TEAD1: variants seen among roughly 807,000 people sequenced by gnomAD.
TEAD1 encodes the protein transcriptional enhancer factor TEF-1.
TEAD1 carries 9 observed loss-of-function variants against 54.9 expected under a neutral mutation model. The observed-to-expected ratio is 0.16, with a 90% confidence interval of 0.10 to 0.29. The LOEUF (loss-of-function observed/expected upper bound fraction) is 0.29. Among genes scored for constraint, TEAD1 ranks in the 10% least tolerant of loss-of-function variants. The probability of loss-of-function intolerance (pLI) is 1.00; values close to 1 mark genes in which losing one functional copy is unlikely to be tolerated. For synonymous variants in TEAD1, 200 were observed against 187.8 expected (o/e 1.07, Z -0.53); for missense variants, 387 against 535.9 (o/e 0.72, Z 2.74).
intron 3 of TEAD1, among the ~76,000 whole-genome samples, chr11:12,840,963 A>G (rs1163229622): frequency 6.6e-6 from 1 of 152,194 alleles, no homozygotes; most frequent in Non-Finnish European, 1.5e-5. Flanking sequence ...TTGAAATGGA[A>G]TACTTTTTCT....
At chr11:12,852,764 T>G (rs1030061119) in intron 3 of TEAD1, among the ~76,000 whole-genome samples, 1 of 152,160 alleles carries the variant, frequency 6.6e-6, no homozygotes, top group Admixed American at 6.5e-5. Context: ...AAATCTCATC[T>G]ACACTTTAAG....
At chr11:12,846,320 T>TA (rs777744354) in intron 3 of TEAD1, among the ~76,000 whole-genome samples, 5 of 151,842 alleles carry the variant, frequency 3.3e-5, no homozygotes, top group Non-Finnish European at 7.4e-5. Flanking sequence ...TTTAAAGGCT[T>TA]AAAATAGATT....
At chr11:12,773,036 C>T (rs1424223385) in intron 3 of TEAD1, among the ~76,000 whole-genome samples, 1 of 152,142 alleles carries the variant, frequency 6.6e-6, no homozygotes, top group African/African-American at 2.4e-5. Flanking sequence ...ACTACATGAA[C>T]CTTTTGGGAT....
At chr11:12,814,775 C>CTGTGTGTGTG (rs1491548230) in intron 3 of TEAD1, among the ~76,000 whole-genome samples, 1 of 142,132 alleles carries the variant, frequency 7.0e-6, no homozygotes, top group African/African-American at 2.7e-5. Context: ...CATCGCAGAG[C>CTGTGTGTGTG]TCTGTGTGTG....
At chr11:12,850,087 A>G (rs770170955) in intron 3 of TEAD1, among the ~76,000 whole-genome samples, 13 of 152,188 alleles carry the variant, frequency 8.5e-5, no homozygotes, top group Non-Finnish European at 1.6e-4. Flanking sequence ...AGGACCCTAT[A>G]TATCAGTTCA....
intron 2 of TEAD1, among the ~76,000 whole-genome samples, chr11:12,680,192 C>T (rs985850999): frequency 7.2e-5 from 11 of 152,324 alleles, no homozygotes; most frequent in African/African-American, 1.9e-4. Context: ...TCGTCTTTGA[C>T]GGCTTTCATC....
At chr11:12,846,294 A>T (rs1365833367) in intron 3 of TEAD1, among the ~76,000 whole-genome samples, 1 of 150,036 alleles carries the variant, frequency 6.7e-6, no homozygotes, top group Non-Finnish European at 1.5e-5. Context: ...CAGCTTAAAC[A>T]CCTGCCCAAA....
intron 10 of TEAD1, among the ~76,000 whole-genome samples, chr11:12,907,945 A>ATAGCAGG (rs1564986372): frequency 6.6e-6 from 1 of 152,224 alleles, no homozygotes; most frequent in East Asian, 1.9e-4. Flanking sequence ...TTGCTGAAGG[A>ATAGCAGG]TAGCAGCCTT....
At chr11:12,911,027 G>A (rs77994042) in intron 10 of TEAD1, among the ~76,000 whole-genome samples, 4 of 152,164 alleles carry the variant, frequency 2.6e-5, no homozygotes, top group Non-Finnish European at 5.9e-5. Context: ...GATTACAGGC[G>A]TGAGCCACCA....
intron 3 of TEAD1, among the ~76,000 whole-genome samples, chr11:12,810,015 C>G (rs1946265422): frequency 1.5e-5 from 2 of 134,960 alleles, no homozygotes; most frequent in African/African-American, 2.8e-5. Flanking sequence ...GAGCCTCCCT[C>G]TGTCGTCCAG....
chr11:12,864,203 G>C (rs567256957), intron 4 of TEAD1, among the ~76,000 whole-genome samples: 1 of 152,160 alleles, frequency 6.6e-6, no homozygotes, highest in East Asian at 1.9e-4. Flanking sequence ...ACAACCAACA[G>C]CTTCAGCTTT....
chr11:12,817,884 A>G (rs1228273516), intron 3 of TEAD1, among the ~76,000 whole-genome samples: 1 of 152,224 alleles, frequency 6.6e-6, no homozygotes, highest in African/African-American at 2.4e-5. Context: ...AATGCCCACA[A>G]TGCAGCTTTG....
At chr11:12,877,710 TC>T (rs1040318309) in intron 5 of TEAD1, among the ~76,000 whole-genome samples, 67 of 151,784 alleles carry the variant, frequency 4.4e-4, no homozygotes, top group Non-Finnish European at 5.6e-4. Context: ...GTTTTCTTTT[TC>T]CCCCCTCCCC....
chr11:12,827,960 A>C (rs1946690414), intron 3 of TEAD1, among the ~76,000 whole-genome samples: 1 of 152,190 alleles, frequency 6.6e-6, no homozygotes, highest in Non-Finnish European at 1.5e-5. Context: ...TGCAAAAATA[A>C]ACAAGTGAGG....
At chr11:12,692,643 C>T (rs1184815737) in intron 2 of TEAD1, among the ~76,000 whole-genome samples, 3 of 152,154 alleles carry the variant, frequency 2.0e-5, no homozygotes, top group Non-Finnish European at 4.4e-5. Context: ...GGGGAAGAGC[C>T]CCGTAATTCA....
At chr11:12,679,248 A>G (rs1456621140) in intron 2 of TEAD1, among the ~76,000 whole-genome samples, 1 of 152,174 alleles carries the variant, frequency 6.6e-6, no homozygotes, top group Non-Finnish European at 1.5e-5. Flanking sequence ...CGCCTTGTTT[A>G]AAACTGGTCT....
Position 12,883,035 on chromosome 11 carries a change from C to G in TEAD1, c.609C>G (p.Val203=). 6.2e-7 allele frequency: 1 copy of G among 1,614,172 alleles called. No individual in the cohort carries two copies. Among genetic ancestry groups the G allele is most frequent in the African/African-American group, 1.3e-5 (1 of 75,040 alleles). The stretch of plus-strand genomic sequence containing the variant: ...CTGCATCGGCCCCAGCTCCCTCAGT[C>G]CCTGCCTGGCAAGGTCGCTCCATTG... The change falls in exon 9 of 13, where the codon GTC becomes GTG. Residue 203 remains valine, a synonymous_variant. Coordinates refer to ENST00000527636, the MANE Select transcript of TEAD1 (RefSeq NM_021961.6).
chr11:12,847,929 T>A (rs1947189778), intron 3 of TEAD1, among the ~76,000 whole-genome samples: 2 of 152,310 alleles, frequency 1.3e-5, no homozygotes, highest in Non-Finnish European at 2.9e-5. Context: ...GTGGGAACCC[T>A]ATATCATAGG....
chr11:12,902,901 T>G (rs915747158), intron 10 of TEAD1, among the ~76,000 whole-genome samples: 2 of 152,162 alleles, frequency 1.3e-5, no homozygotes, highest in African/African-American at 2.4e-5. Context: ...TTCTCCTCCA[T>G]GAGACAATAG....
Sources: allele counts gnomAD v4.1 joint callset (sites outside exome capture counted in the v4.1 genomes callset), GRCh38; gene constraint gnomAD v4.1.1; transcripts MANE v1.5; gene names NCBI Gene and HGNC (gene_info 2026-07-23, HGNC 2026-07-21).